DIAPH3: variants seen among roughly 807,000 people sequenced by gnomAD.
The protein encoded by DIAPH3 is protein diaphanous homolog 3.
DIAPH3 carries 117 observed loss-of-function variants against 144.3 expected under a neutral mutation model. The ratio of observed to expected loss-of-function variants is 0.81; its 90% CI spans 0.70 to 0.95. The LOEUF is 0.95. Among genes scored for constraint, DIAPH3 ranks in the 40% least tolerant of loss-of-function variants. The pLI is 0.00. For missense variants in DIAPH3, 1,421 were observed against 1,412.7 expected (o/e 1.01, Z -0.09); for synonymous variants, 519 against 488.9 (o/e 1.06, Z -0.81).
At chr13:59,889,965 T>C (rs1017321161) in intron 20 of DIAPH3, among the ~76,000 whole-genome samples, 1 of 152,156 alleles carries the variant, frequency 6.6e-6, no homozygotes, top group Non-Finnish European at 1.5e-5. Flanking sequence ...GTGGCCCTAC[T>C]TCCTAAAGCA....
chr13:60,005,417 T>C (rs916442210), intron 9 of DIAPH3, among the ~76,000 whole-genome samples: 10 of 152,174 alleles, frequency 6.6e-5, no homozygotes, highest in Non-Finnish European at 1.3e-4. Flanking sequence ...ATGAAAATCT[T>C]CTAAAATTGA....
intron 27 of DIAPH3, among the ~76,000 whole-genome samples, chr13:59,668,395 C>T (rs1593539813): frequency 6.6e-6 from 1 of 152,222 alleles, no homozygotes; most frequent in Non-Finnish European, 1.5e-5. Context: ...CAAACCACTA[C>T]ATCATGATGG....
intron 1 of DIAPH3, among the ~76,000 whole-genome samples, chr13:60,156,870 AG>A (rs1952043334): frequency 6.9e-6 from 1 of 144,592 alleles, no homozygotes; most frequent in Non-Finnish European, 1.5e-5. Flanking sequence ...GTGGCAGGTA[AG>A]TTCCCAGGTT....
chr13:59,816,844 T>C (rs955040375), intron 24 of DIAPH3, among the ~76,000 whole-genome samples: 1 of 151,918 alleles, frequency 6.6e-6, no homozygotes, highest in Non-Finnish European at 1.5e-5. Context: ...TTTATATATG[T>C]AGGAACATTT....
intron 27 of DIAPH3, among the ~76,000 whole-genome samples, chr13:59,735,857 T>A (rs945776142): frequency 6.6e-6 from 1 of 152,186 alleles, no homozygotes; most frequent in African/African-American, 2.4e-5. Flanking sequence ...GTATGTGTGA[T>A]GGGGATTTGT....
At chr13:59,728,865 A>G (rs950165786) in intron 27 of DIAPH3, among the ~76,000 whole-genome samples, 1 of 152,186 alleles carries the variant, frequency 6.6e-6, no homozygotes, top group Admixed American at 6.5e-5. Context: ...AGTAAGAAAC[A>G]TGGTTTTACA....
intron 27 of DIAPH3, among the ~76,000 whole-genome samples, chr13:59,751,115 G>A (rs558265413): frequency 5.3e-5 from 8 of 152,352 alleles, no homozygotes; most frequent in South Asian, 2.1e-4. Context: ...TTAAGGGATC[G>A]ACAGAAGGAA....
In DIAPH3 at chr13:59,981,102, G is replaced by A. The variant is rs1275552587; in HGVS notation, c.1481-243C>T. Among the ~76,000 whole-genome samples the A allele has an allele frequency of 2.0e-5, 3 of 151,086 alleles. No individual in the cohort carries two copies. The East Asian group carries it at 5.8e-4, about 29-fold the overall frequency. On this transcript the variant is annotated intron_variant, in intron 13 of 27. Coordinates refer to ENST00000400324, the MANE Select transcript of DIAPH3 (RefSeq NM_001042517.2). ...AATTTTAAACTTCTAGCAGGCAAAA[G>A]GAGATGTTCAATTGTAATAACACTC...
At chr13:59,951,581 A>G (rs1292040521) in intron 17 of DIAPH3, among the ~76,000 whole-genome samples, 1 of 152,150 alleles carries the variant, frequency 6.6e-6, no homozygotes, top group African/African-American at 2.4e-5. Context: ...AATAAACTTC[A>G]TAATTAAATA....
At chr13:59,927,553 C>G (rs571513228) in intron 17 of DIAPH3, among the ~76,000 whole-genome samples, 1 of 152,162 alleles carries the variant, frequency 6.6e-6, no homozygotes, top group African/African-American at 2.4e-5. Context: ...AGATATATGA[C>G]TCCCTTAAGC....
chr13:60,050,629 T>A (rs1013804002), intron 4 of DIAPH3, among the ~76,000 whole-genome samples: 1 of 152,150 alleles, frequency 6.6e-6, no homozygotes, highest in African/African-American at 2.4e-5. Context: ...GTCTAAAATA[T>A]TTACTGTGTG....
Position 59,879,807 on chromosome 13 carries a change from T to C in DIAPH3, c.2368-339A>G, listed in dbSNP as rs534101245. On this transcript the variant is annotated intron_variant, in intron 20 of 27. Coordinates refer to ENST00000400324, the MANE Select transcript of DIAPH3 (RefSeq NM_001042517.2). ...CACAAATTACAAGGCATTCATGTCA[T>C]TATTTTGAATAATTTTTGTTCAATA... 2.6e-4 allele frequency among the ~76,000 whole-genome samples: 39 copies of C among 152,334 alleles called. 1 individual carries two copies. Among genetic ancestry groups the C allele is most frequent in the Middle Eastern group, 3.4e-3 (1 of 294 alleles).
chr13:60,090,806 G>A (rs1167079010), intron 4 of DIAPH3, among the ~76,000 whole-genome samples: 1 of 152,194 alleles, frequency 6.6e-6, no homozygotes, highest in African/African-American at 2.4e-5. Context: ...TTCCTAGGAA[G>A]AGCCATGATC....
chr13:60,097,497 C>T (rs1015560068), intron 3 of DIAPH3, among the ~76,000 whole-genome samples: 6 of 152,154 alleles, frequency 3.9e-5, no homozygotes, highest in African/African-American at 1.4e-4. Flanking sequence ...CTCCCTGAGG[C>T]CCTCACCAAA....
At chr13:59,724,730 CAGAT>C (rs1213982829) in intron 27 of DIAPH3, among the ~76,000 whole-genome samples, 2 of 152,172 alleles carry the variant, frequency 1.3e-5, no homozygotes, top group Non-Finnish European at 2.9e-5. Context: ...ATGGTAGTCA[CAGAT>C]AGTGAAAGAA....
At chr13:59,710,632 T>C (rs1338055552) in intron 27 of DIAPH3, among the ~76,000 whole-genome samples, 1 of 152,238 alleles carries the variant, frequency 6.6e-6, no homozygotes, top group Admixed American at 6.5e-5. Context: ...CTTCATTTAT[T>C]TGTAAACAGA....
rs552077565 is a variant in DIAPH3 at position 59,685,584 on chromosome 13, G to A, written c.3320-18738C>T. On this transcript the variant is annotated intron_variant, in intron 27 of 27. Coordinates refer to ENST00000400324, the MANE Select transcript of DIAPH3 (RefSeq NM_001042517.2). Reference sequence around the variant, plus strand: ...TTAAGTGGATTACTTTAATGACAGAGCAAGGAAAAGACAGAACCAGAATGA... The same window carrying A: ...TTAAGTGGATTACTTTAATGACAGAACAAGGAAAAGACAGAACCAGAATGA... Among the ~76,000 whole-genome samples, 21 of 152,218 alleles carry A rather than the reference G, an allele frequency of 1.4e-4. 1 individual carries two copies. In the South Asian group the frequency reaches 4.1e-3, roughly 30 times the overall value.
intron 27 of DIAPH3, among the ~76,000 whole-genome samples, chr13:59,767,356 A>G (rs562325870): frequency 1.3e-5 from 2 of 152,336 alleles, no homozygotes; most frequent in South Asian, 4.1e-4. Flanking sequence ...AAAATTACAC[A>G]ACACATAGAA....
intron 22 of DIAPH3, among the ~76,000 whole-genome samples, chr13:59,854,580 T>C (rs1453698347): frequency 2.6e-5 from 4 of 152,206 alleles, no homozygotes; most frequent in Non-Finnish European, 5.9e-5. Flanking sequence ...AGATTTGTTA[T>C]GTTAAACTGT....
Sources: allele counts gnomAD v4.1 joint callset (sites outside exome capture counted in the v4.1 genomes callset), GRCh38; gene constraint gnomAD v4.1.1; transcripts MANE v1.5; gene names NCBI Gene and HGNC (gene_info 2026-07-23, HGNC 2026-07-21).